The following TRIM48 variants were observed in gnomAD, a reference collection of about 807,000 sequenced individuals.
The protein encoded by TRIM48 is tripartite motif containing 48.
TRIM48 carries 31 observed loss-of-function variants against 29.5 expected under a neutral mutation model. That is an observed-to-expected ratio of 1.05 (90% CI 0.79 to 1.42). TRIM48 has a LOEUF of 1.42. Ranked by LOEUF, TRIM48 falls within the 40% of genes most tolerant of loss-of-function variation. The pLI, the probability that TRIM48 is intolerant of heterozygous loss-of-function variation, is 0.00. For synonymous variants in TRIM48, 128 were observed against 90.6 expected, an observed-to-expected ratio of 1.41 and a Z score of -2.34; for missense variants, 344 against 265.0, an observed-to-expected ratio of 1.30 and a Z score of -2.07.
chr11:55,267,765 AATGCTACTTT>A (rs1246805880), intron 3 of TRIM48: 2 of 1,417,586 alleles, frequency 1.4e-6, no homozygotes, highest in East Asian at 3.0e-5. Flanking sequence ...TCGCATAACT[AATGCTACTTT>A]ATTGGGAGAG....
At chr11:55,265,410 C>T in intron 2 of TRIM48, 96 bp downstream of exon 2, 2 of 1,540,138 alleles carry the variant, frequency 1.3e-6, no homozygotes. Context: ...ACTCTGAGTC[C>T]CTTTAAGCAA....
chr11:55,265,436 T>C lies in TRIM48; in HGVS notation c.459+122T>C. The C allele has an allele frequency of 4.6e-6, 7 of 1,505,594 alleles. 1 individual carries two copies. The highest frequency in any genetic ancestry group is 6.3e-6 in the Non-Finnish European group (7 of 1,119,296). 93.3% of individuals were successfully genotyped at this position (1,505,594 alleles called of 1,614,324 possible). Reference sequence around the variant, plus strand: ...CTTTAAGCAACTCTCTTTTGGGCTTTCTTAGCTTCAAACCTCTGAGATTTG... The same window carrying C: ...CTTTAAGCAACTCTCTTTTGGGCTTCCTTAGCTTCAAACCTCTGAGATTTG... On this transcript the variant is annotated intron_variant, in intron 2 of 5. Transcript: ENST00000417545.
At chr11:55,265,394 A>G (rs970735234) in intron 2 of TRIM48, 80 bp downstream of exon 2, 1 of 1,562,714 alleles carries the variant, frequency 6.4e-7, no homozygotes, top group Admixed American at 1.8e-5. Context: ...AGATTGGGTA[A>G]AGCCAACTCT....
intron 3 of TRIM48, chr11:55,267,690 A>G (rs1387473802): frequency 6.5e-7 from 1 of 1,548,314 alleles, no homozygotes; most frequent in East Asian, 2.5e-5. Flanking sequence ...ATGTATAAGT[A>G]TTTTCCTCAT....
Position 55,270,908 on chromosome 11 carries a change from G to C in TRIM48, c.*473G>C, listed in dbSNP as rs1271091275. 5.9e-5 allele frequency: 92 copies of C among 1,557,340 alleles called. 8 individuals are homozygous for C. Among genetic ancestry groups the C allele is most frequent in the Non-Finnish European group, 7.9e-5 (90 of 1,145,480 alleles). On this transcript the variant is annotated 3_prime_UTR_variant, in exon 6 of 6. Coordinates refer to ENST00000417545, the MANE Select transcript of TRIM48 (RefSeq NM_024114.5). ...AATTGCTCCTTCTCACTTCCTCTCA[G>C]ACCTATCTTTTTCTGTATTCTCCTC...
chr11:55,268,945 A>G (rs1403827571), intron 4 of TRIM48, among the ~76,000 whole-genome samples: 1 of 147,858 alleles, frequency 6.8e-6, no homozygotes, highest in Non-Finnish European at 1.5e-5. Flanking sequence ...GAGTCTGCCA[A>G]GAAGTGGAAC....
intron 1 of TRIM48, among the ~76,000 whole-genome samples, chr11:55,264,385 C>T (rs201046023): frequency 1.3e-3 from 172 of 136,310 alleles, no homozygotes; most frequent in South Asian, 2.2e-3. Context: ...CTGAGATAAA[C>T]GTGCAGGACA....
Position 55,262,236 on chromosome 11 carries a change from G to T in TRIM48, c.-32G>T. 1 of 1,542,606 alleles carries T rather than the reference G, an allele frequency of 6.5e-7. No individual in the cohort carries two copies. Among genetic ancestry groups the T allele is most frequent in the African/African-American group, 1.4e-5 (1 of 72,922 alleles). ...TGAAACTCAGTACTGCAGCGAATGA[G>T]CTCCTGACCTTGAGGAGTACTTAAC... On this transcript the variant is annotated 5_prime_UTR_variant, in exon 1 of 6. Transcript: ENST00000417545.
At chr11:55,267,434 A>G in intron 3 of TRIM48, 2 of 1,578,184 alleles carry the variant, frequency 1.3e-6, no homozygotes, top group South Asian at 2.4e-5. Flanking sequence ...GCTAGAAGCT[A>G]TTAAAGCTGA....
At chr11:55,269,495 A>C (rs1439955735) in intron 5 of TRIM48, among the ~76,000 whole-genome samples, 156 bp downstream of exon 5, 2 of 148,398 alleles carry the variant, frequency 1.3e-5, no homozygotes, top group Non-Finnish European at 3.0e-5. Flanking sequence ...GTGTCTGTAT[A>C]GTCAGATTTA....
intron 4 of TRIM48, among the ~76,000 whole-genome samples, 198 bp downstream of exon 4, chr11:55,268,570 A>T (rs1270360962): frequency 6.8e-6 from 1 of 147,824 alleles, no homozygotes; most frequent in Non-Finnish European, 1.5e-5. Context: ...GTAAAATTTT[A>T]AAAAACATGT....
intron 1 of TRIM48, among the ~76,000 whole-genome samples, chr11:55,262,697 A>G (rs1381723454): frequency 2.6e-5 from 4 of 152,124 alleles, no homozygotes; most frequent in East Asian, 1.9e-4. Context: ...GCATTTACAC[A>G]TAACTTTAAA....
chr11:55,263,528 G>A (rs539700851), intron 1 of TRIM48, among the ~76,000 whole-genome samples: 3 of 152,028 alleles, frequency 2.0e-5, no homozygotes, highest in South Asian at 2.1e-4. Flanking sequence ...CGGGTGTAGT[G>A]GCATGTTCCT....
rs145804201 is a variant in TRIM48, at chr11:55,268,371, A to T, written c.577A>T (p.Arg193Trp). The stretch of plus-strand genomic sequence containing the variant: ...ACAGGCTTTTGGAGACATATTATAC[A>T]GGTGAGTATGTACCTGGATTTTAGC... ...HWKAFGDILY[R>W]SESVLLHMPQ... The change falls in exon 4 of 6, where the codon AGG (arginine) becomes TGG (tryptophan). Residue 193 changes from arginine to tryptophan, a missense_variant and splice_region_variant. Coordinates refer to ENST00000417545, the MANE Select transcript of TRIM48 (RefSeq NM_024114.5). The T allele has an allele frequency of 3.8e-3, 5,845 of 1,554,088 alleles. 471 individuals carry two copies. Among genetic ancestry groups the T allele is most frequent in the Non-Finnish European group, 3.8e-3 (4,314 of 1,143,838 alleles).
At chr11:55,267,776 A>G (rs1182900205) in intron 3 of TRIM48, 4 of 1,394,182 alleles carry the variant, frequency 2.9e-6, no homozygotes, top group Non-Finnish European at 3.8e-6. Context: ...ATGCTACTTT[A>G]TTGGGAGAGT....
At chr11:55,264,739 T>C (rs1287453829) in intron 1 of TRIM48, among the ~76,000 whole-genome samples, 161 bp from the exon 2 acceptor site, 5 of 147,968 alleles carry the variant, frequency 3.4e-5, no homozygotes, top group African/African-American at 9.9e-5. Flanking sequence ...GCCGGGAGAC[T>C]CTCTGTGTGA....
In TRIM48 at chr11:55,267,772, C is replaced by T. The variant is rs986095923; in HGVS notation, c.556-578C>T. The T allele has an allele frequency of 5.7e-6, 8 of 1,402,242 alleles. 2 individuals carry two copies. The African/African-American group carries it at 1.2e-4, about 20-fold the overall frequency. 86.9% of individuals were successfully genotyped at this position (1,402,242 alleles called of 1,614,324 possible). On this transcript the variant is annotated intron_variant, in intron 3 of 5. Coordinates refer to ENST00000417545, the MANE Select transcript of TRIM48 (RefSeq NM_024114.5). ...AAACACATTCGCATAACTAATGCTA[C>T]TTTATTGGGAGAGTATAGCCCCGCC... is the stretch of plus-strand genomic sequence containing the variant.
At position 55,265,376 on chromosome 11, in the gene TRIM48, T is replaced by C; in HGVS notation, c.459+62T>C. 2.5e-6 allele frequency: 4 copies of C among 1,573,486 alleles called. 1 individual carries two copies. The highest frequency in any genetic ancestry group is 3.4e-6 in the Non-Finnish European group (4 of 1,162,174). On this transcript the variant is annotated intron_variant, in intron 2 of 5. Coordinates refer to ENST00000417545, the MANE Select transcript of TRIM48 (RefSeq NM_024114.5). ...ACACATGAAATTCCTGTGGCCCTAT[T>C]TTCTTGGAGATTGGGTAAAGCCAAC...
Position 55,270,851 on chromosome 11 carries a change from T to C in TRIM48, c.*416T>C. The C allele has an allele frequency of 6.4e-7, 1 of 1,569,464 alleles. No homozygotes were observed. The highest frequency in any genetic ancestry group is 2.4e-5 in the East Asian group (1 of 41,212). ...GCTAGAACTGTGAGCTTCGTTGATG[T>C]TAGTCAAAGCTCCCCTATATACACC... On this transcript the variant is annotated 3_prime_UTR_variant, in exon 6 of 6. Transcript: ENST00000417545.
Sources: gnomAD v4.1 joint callset for allele counts (sites outside exome capture counted in the v4.1 genomes callset) on GRCh38, gnomAD v4.1.1 for gene constraint, MANE v1.5 for transcripts, NCBI Gene and HGNC (gene_info 2026-07-23, HGNC 2026-07-21) for gene names.